PBX1: variants seen among roughly 807,000 people sequenced by gnomAD.
PBX1 encodes pre-B-cell leukemia transcription factor 1.
PBX1 carries 6 observed loss-of-function variants against 53.4 expected under a neutral mutation model. That is an observed-to-expected ratio of 0.11 (90% CI 0.06 to 0.22). The LOEUF is 0.22. Among genes scored for constraint, PBX1 ranks in the 10% least tolerant of loss-of-function variants. The pLI is 1.00. For missense variants in PBX1, 251 were observed against 551.4 expected (o/e 0.46, Z 5.46); for synonymous variants, 204 against 212.3 (o/e 0.96, Z 0.34).
intron 2 of PBX1, among the ~76,000 whole-genome samples, chr1:164,729,550 T>C (rs1161850168): frequency 6.6e-6 from 1 of 152,240 alleles, no homozygotes; most frequent in Non-Finnish European, 1.5e-5. Context: ...TGGCATTTAC[T>C]ACAGGTATAT....
chr1:164,664,706 G>A (rs186312678), intron 2 of PBX1, among the ~76,000 whole-genome samples: 32 of 152,352 alleles, frequency 2.1e-4, no homozygotes, highest in Non-Finnish European at 4.1e-4. Flanking sequence ...AGTTCCACAT[G>A]GCTGGGGAGG....
In PBX1 at chr1:164,849,445, C is replaced by T; in HGVS notation, c.*2769C>T. The T allele has an allele frequency of 6.5e-7, 1 of 1,535,248 alleles. No homozygotes were observed. The highest frequency in any genetic ancestry group is 8.7e-7 in the Non-Finnish European group (1 of 1,146,532). On this transcript the variant is annotated 3_prime_UTR_variant, in exon 9 of 9. Coordinates refer to ENST00000420696, the MANE Select transcript of PBX1 (RefSeq NM_002585.4). The stretch of plus-strand genomic sequence containing the variant: ...CGAAGCAGGAGAACACTGAGAGCAG[C>T]AGGATGGGTTTGGAAAGAGCATGCC...
chr1:164,750,201 C>T (rs984077571), intron 2 of PBX1, among the ~76,000 whole-genome samples: 1 of 149,826 alleles, frequency 6.7e-6, no homozygotes, highest in African/African-American at 2.5e-5. Context: ...CATGTGCATT[C>T]CCTGAATGCT....
At chr1:164,814,149 G>A (rs1037905116) in intron 6 of PBX1, 1 of 152,166 alleles carries the variant, frequency 6.6e-6, no homozygotes, top group Non-Finnish European at 1.5e-5. Flanking sequence ...GGGCTTTTCT[G>A]TATTTTCTTT....
chr1:164,688,854 G>C (rs1037777686), intron 2 of PBX1, among the ~76,000 whole-genome samples: 6 of 152,244 alleles, frequency 3.9e-5, no homozygotes, highest in South Asian at 4.1e-4. Context: ...GGAAACTGCT[G>C]TAATGCAAGT....
intron 2 of PBX1, among the ~76,000 whole-genome samples, chr1:164,643,103 G>T (rs1461354522): frequency 6.6e-6 from 1 of 152,132 alleles, no homozygotes; most frequent in Non-Finnish European, 1.5e-5. Flanking sequence ...CTTGAGGCTG[G>T]TTTAACCTTG....
At chr1:164,881,531 A>G (rs1024011085) in intron 2 of PBX1, among the ~76,000 whole-genome samples, 2 of 146,724 alleles carry the variant, frequency 1.4e-5, no homozygotes, top group Non-Finnish European at 3.0e-5. Flanking sequence ...TTGTAAGAGT[A>G]CTAAAGAAGA....
At chr1:164,691,496 C>T (rs1310619764) in intron 2 of PBX1, among the ~76,000 whole-genome samples, 2 of 152,142 alleles carry the variant, frequency 1.3e-5, no homozygotes, top group South Asian at 2.1e-4. Flanking sequence ...CTTCCTTCCT[C>T]CAGCTCTATC....
intron 2 of PBX1, among the ~76,000 whole-genome samples, chr1:164,637,043 AT>A (rs1434982367): frequency 6.6e-6 from 1 of 152,212 alleles, no homozygotes; most frequent in East Asian, 1.9e-4. Context: ...AGTGCTCAGT[AT>A]CTTCAGCTTG....
Position 164,713,439 on chromosome 1 carries a change from G to A in PBX1, c.266-79055G>A, listed in dbSNP as rs575214663. On this transcript the variant is annotated intron_variant, in intron 2 of 8. Coordinates refer to ENST00000420696, the MANE Select transcript of PBX1 (RefSeq NM_002585.4). The stretch of plus-strand genomic sequence containing the variant: ...AAAGAAGGGGAAGATTGAAGATATT[G>A]TTTGCATTAAAAAGTGGAGTCTTGT... Among the ~76,000 whole-genome samples, 6 of 152,186 alleles carry A rather than the reference G, an allele frequency of 3.9e-5. No homozygotes were observed. In the East Asian group the frequency reaches 1.2e-3, roughly 29 times the overall value.
chr1:164,600,525 A>G (rs566279101), intron 2 of PBX1, among the ~76,000 whole-genome samples: 34 of 152,306 alleles, frequency 2.2e-4, no homozygotes, highest in Non-Finnish European at 4.0e-4. Flanking sequence ...TTGGGATTAC[A>G]GGCGTGAGCC....
chr1:164,812,203 A>G, intron 6 of PBX1, 54 bp downstream of exon 6: 1 of 1,495,228 alleles, frequency 6.7e-7, no homozygotes, highest in Non-Finnish European at 9.1e-7. Context: ...CCATTTTTAT[A>G]CTGGCTGTTC....
chr1:164,696,761 T>C (rs986057232), intron 2 of PBX1, among the ~76,000 whole-genome samples: 6 of 152,230 alleles, frequency 3.9e-5, no homozygotes, highest in African/African-American at 1.4e-4. Flanking sequence ...TCCTTTTGGC[T>C]TTGTCTCTGA....
chr1:164,798,690 G>C (rs960445887), intron 3 of PBX1, among the ~76,000 whole-genome samples: 8 of 152,216 alleles, frequency 5.3e-5, no homozygotes, highest in African/African-American at 1.9e-4. Flanking sequence ...TCCACCTCCA[G>C]AGCTGATGAT....
At chr1:164,674,010 A>G (rs1661281063) in intron 2 of PBX1, among the ~76,000 whole-genome samples, 1 of 152,198 alleles carries the variant, frequency 6.6e-6, no homozygotes, top group Non-Finnish European at 1.5e-5. Flanking sequence ...TGAAATGACT[A>G]TGAGCTGAAA....
intron 2 of PBX1, among the ~76,000 whole-genome samples, chr1:164,636,333 C>T (rs1321846070): frequency 2.0e-5 from 3 of 152,194 alleles, no homozygotes; most frequent in East Asian, 1.9e-4. Context: ...TCTACATGAC[C>T]ATCTTGAAGG....
intron 2 of PBX1, among the ~76,000 whole-genome samples, chr1:164,678,162 C>T (rs181254504): frequency 3.3e-5 from 5 of 152,172 alleles, no homozygotes; most frequent in East Asian, 1.9e-4. Flanking sequence ...TTGTTTACTG[C>T]GCATGTATCC....
chr1:164,649,413 T>C (rs993742469), intron 2 of PBX1, among the ~76,000 whole-genome samples: 1 of 152,186 alleles, frequency 6.6e-6, no homozygotes, highest in Non-Finnish European at 1.5e-5. Flanking sequence ...AATACTTTTG[T>C]TGGGAGTCTC....
At chr1:164,612,778 G>A (rs1657022231) in intron 2 of PBX1, among the ~76,000 whole-genome samples, 1 of 152,144 alleles carries the variant, frequency 6.6e-6, no homozygotes, top group African/African-American at 2.4e-5. Flanking sequence ...TTCTGGAGGT[G>A]ACTGAGTTGC....
Sources: gnomAD v4.1 joint callset for allele counts (sites outside exome capture counted in the v4.1 genomes callset) on GRCh38, gnomAD v4.1.1 for gene constraint, MANE v1.5 for transcripts, NCBI Gene and HGNC (gene_info 2026-07-23, HGNC 2026-07-21) for gene names.